Variants in TUT7 observed in about 807,000 individuals in gnomAD.
TUT7 encodes terminal uridylyl transferase 7.
In TUT7, 33 loss-of-function variants were observed where a neutral mutation model predicts 165.9. That is an observed-to-expected ratio of 0.20 (90% CI 0.15 to 0.27). The LOEUF is 0.27. TUT7 is among the 10% of genes least tolerant of loss of function. The pLI, the probability that TUT7 is intolerant of heterozygous loss-of-function variation, is 1.00. For missense variants in TUT7, 1,338 were observed against 1,762.3 expected, an observed-to-expected ratio of 0.76 and a Z score of 4.31; for synonymous variants, 552 against 608.1, an observed-to-expected ratio of 0.91 and a Z score of 1.36.
rs1055440038 is a variant in TUT7 at position 86,311,133 on chromosome 9, C to T, written c.3275-324G>A. Among the ~76,000 whole-genome samples, 1 of 152,310 alleles carries T rather than the reference C, an allele frequency of 6.6e-6. No homozygotes were observed. The highest frequency in any genetic ancestry group is 1.5e-5 in the Non-Finnish European group (1 of 68,018). ...CGTTGTCACTAAGACAAATACCAAACAGAGGAAACTACTATAGAGTCTGAA... is the reference window on the plus strand; with the variant it reads ...CGTTGTCACTAAGACAAATACCAAATAGAGGAAACTACTATAGAGTCTGAA... On this transcript the variant is annotated intron_variant, in intron 17 of 26. Transcript: ENST00000375963. The surrounding 1 kb of genome is among the most constrained non-coding windows in gnomAD (Gnocchi z 4.4).
At chr9:86,339,513 G>T (rs1160579181) in intron 8 of TUT7, among the ~76,000 whole-genome samples, 1 of 151,848 alleles carries the variant, frequency 6.6e-6, no homozygotes, top group South Asian at 2.1e-4. Context: ...GCGAGACTCC[G>T]TCTCAAAAAA....
At position 86,288,738 on chromosome 9, in the gene TUT7, A is replaced by G; in HGVS notation, c.4427T>C (p.Leu1476Pro). The G allele has an allele frequency of 6.2e-7, 1 of 1,612,692 alleles. No homozygotes were observed. The highest frequency in any genetic ancestry group is 2.2e-5 in the East Asian group (1 of 44,848). ...TCCCTGAGTCATATATTTACTGGAA[A>G]GGCTACCTAGAGGAGGGGAAGAAAC... ...CPQFKGSSGSLSSKYMTQGKA... is the reference protein window; with the variant it reads ...CPQFKGSSGSPSSKYMTQGKA... Residue 1476 changes from leucine to proline, a missense_variant, in exon 27 of 27, where the codon CTT (leucine) becomes CCT (proline). Leu to Pro is a moderately conservative substitution (Grantham distance 98). Transcript: ENST00000375963.
rs1162919713 is a variant in TUT7 at position 86,353,195 on chromosome 9, C to T, written c.5G>A (p.Gly2Glu). ...CACGAAATAAGGTTTTGCTGTATCT[C>T]CCATGGTCTTTGACTTCAATTTTCT... MGDTAKPYFVKR... is the reference protein window; with the variant it reads MEDTAKPYFVKR... Residue 2 changes from glycine to glutamate, a missense_variant, in exon 2 of 27, where the codon GGA becomes GAA. By Grantham distance (98) the Gly-to-Glu change is moderately conservative. Around this residue, in one of 7 missense-constraint regions of TUT7, gnomAD observed 434 missense variants for 480.8 expected, o/e 0.90. Transcript: ENST00000375963. The T allele has an allele frequency of 6.4e-7, 1 of 1,563,974 alleles. No homozygotes were observed. Among genetic ancestry groups the T allele is most frequent in the Non-Finnish European group, 8.6e-7 (1 of 1,161,146 alleles).
chr9:86,309,109 T>C (rs1018117106), intron 21 of TUT7, 103 bp downstream of exon 21: 5 of 713,696 alleles, frequency 7.0e-6, no homozygotes, highest in Admixed American at 5.9e-5. Context: ...TCATAAGATA[T>C]ATAAATACAA....
At chr9:86,327,373 C>T (rs1829883789) in intron 11 of TUT7, among the ~76,000 whole-genome samples, 2 of 152,214 alleles carry the variant, frequency 1.3e-5, no homozygotes, top group South Asian at 4.1e-4. Context: ...GTGCTCACCA[C>T]ATGCTCGGCA....
At chr9:86,340,860 A>G in intron 7 of TUT7, 142 bp downstream of exon 7, 1 of 619,276 alleles carries the variant, frequency 1.6e-6, no homozygotes, top group Non-Finnish European at 2.8e-6. Flanking sequence ...ACTCTAGTTA[A>G]TAATTCATGG....
intron 26 of TUT7, among the ~76,000 whole-genome samples, chr9:86,293,734 G>A (rs1035949425): frequency 2.6e-5 from 4 of 152,140 alleles, no homozygotes; most frequent in African/African-American, 9.7e-5. Flanking sequence ...ATTCATTAGA[G>A]TGTTTTATAT....
At position 86,322,008 on chromosome 9, in the gene TUT7, C is replaced by T. The variant is rs540631106; in HGVS notation, c.3028+317G>A. On this transcript the variant is annotated intron_variant, in intron 14 of 26. Coordinates refer to ENST00000375963, the MANE Select transcript of TUT7 (RefSeq NM_024617.4). ...AGAGGATTGCTTTAGTCTGGGAGGTCGAGGCTGCAGTGACTCATGATTGCT... is the reference window on the plus strand; with the variant it reads ...AGAGGATTGCTTTAGTCTGGGAGGTTGAGGCTGCAGTGACTCATGATTGCT... Among the ~76,000 whole-genome samples the T allele has an allele frequency of 7.2e-5, 11 of 151,760 alleles. No individual in the cohort carries two copies. In the East Asian group the frequency reaches 1.7e-3, roughly 24 times the overall value.
intron 2 of TUT7, among the ~76,000 whole-genome samples, chr9:86,351,467 C>T (rs1462202526): frequency 6.6e-6 from 1 of 152,146 alleles, no homozygotes; most frequent in Middle Eastern, 3.2e-3. Flanking sequence ...ATAAACAGAT[C>T]TGACAACTAG....
chr9:86,290,258 G>A (rs1825803662), intron 26 of TUT7, among the ~76,000 whole-genome samples: 3 of 152,168 alleles, frequency 2.0e-5, no homozygotes, highest in Admixed American at 2.0e-4. Context: ...AATGGAGGGA[G>A]TACAGATGGT....
At chr9:86,335,834 G>T (rs1830719171) in intron 10 of TUT7, among the ~76,000 whole-genome samples, 1 of 152,144 alleles carries the variant, frequency 6.6e-6, no homozygotes, top group African/African-American at 2.4e-5. Context: ...TGGATCCAAT[G>T]ATTTCAATCC....
Position 86,337,373 on chromosome 9 carries a change from G to A in TUT7, c.1455+46C>T, listed in dbSNP as rs750029958. ...TTATGCAAAATTTAATTGTGGACCT[G>A]TAATAAAATCTGTTCAGATATATAA... On this transcript the variant is annotated intron_variant, in intron 10 of 26. Coordinates refer to ENST00000375963, the MANE Select transcript of TUT7 (RefSeq NM_024617.4). The A allele has an allele frequency of 2.5e-6, 4 of 1,570,580 alleles. No homozygotes were observed. In the South Asian group the frequency reaches 3.5e-5, roughly 14 times the overall value.
intron 9 of TUT7, 136 bp downstream of exon 9, chr9:86,338,687 T>C: frequency 1.0e-6 from 1 of 982,486 alleles, no homozygotes; most frequent in Non-Finnish European, 1.4e-6. Flanking sequence ...ACGTTTCTGT[T>C]GCAAAATTCA....
intron 23 of TUT7, 116 bp from the exon 24 acceptor site, chr9:86,305,063 G>C (rs956684228): frequency 2.8e-5 from 33 of 1,174,924 alleles, no homozygotes; most frequent in Admixed American, 4.8e-5. Flanking sequence ...TGGGAGGCTG[G>C]GGTAGGTGGA....
chr9:86,354,107 G>A (rs1268231566), intron 1 of TUT7, among the ~76,000 whole-genome samples, 164 bp downstream of exon 1: 1 of 152,184 alleles, frequency 6.6e-6, no homozygotes, highest in African/African-American at 2.4e-5. Context: ...CGGCCAGGGG[G>A]CCAGAGCCGA....
intron 5 of TUT7, among the ~76,000 whole-genome samples, chr9:86,343,579 G>A (rs1018307307): frequency 6.6e-6 from 1 of 151,992 alleles, no homozygotes; most frequent in Non-Finnish European, 1.5e-5. Flanking sequence ...TAATGCAAAC[G>A]TTTCTTTTCA....
chr9:86,333,167 A>G (rs1249706337), intron 10 of TUT7, among the ~76,000 whole-genome samples: 1 of 152,190 alleles, frequency 6.6e-6, no homozygotes, highest in African/African-American at 2.4e-5. Flanking sequence ...TTGTTTAGGC[A>G]AACTGGAAAT....
At chr9:86,346,527 TCC>T in intron 2 of TUT7, 47 bp from the exon 3 acceptor site, 1 of 1,573,676 alleles carries the variant, frequency 6.4e-7, no homozygotes, top group Non-Finnish European at 8.7e-7. Context: ...ATAATGCCAC[TCC>T]TGAGTAAAAA....
chr9:86,340,221 A>G (rs1831214674), intron 7 of TUT7, 116 bp from the exon 8 acceptor site: 5 of 795,842 alleles, frequency 6.3e-6, no homozygotes, highest in Non-Finnish European at 8.3e-6. Flanking sequence ...TTGAAAGACC[A>G]CTACTAAATA....
Sources: gnomAD v4.1 joint callset for allele counts (sites outside exome capture counted in the v4.1 genomes callset) on GRCh38, gnomAD v4.1.1 for gene constraint, gnomAD v4.1.1 regional missense constraint, Gnocchi (gnomAD v3.1) non-coding constraint, MANE v1.5 for transcripts, NCBI Gene and HGNC (gene_info 2026-07-23, HGNC 2026-07-21) for gene names.